The following AFG2A variants were observed in gnomAD, a reference collection of about 807,000 sequenced individuals.
AFG2A encodes the protein AAA ATPase AFG2A.
chr4:123,059,195 C>T, the AFG2A span, among the ~76,000 whole-genome samples: 1 of 137,360 alleles, frequency 7.3e-6, no homozygotes, highest in East Asian at 2.1e-4. Flanking sequence ...GGTACATGTG[C>T]ACAATGTGCA....
the AFG2A span, among the ~76,000 whole-genome samples, chr4:123,281,457 G>A: frequency 2.0e-5 from 3 of 152,108 alleles, no homozygotes; most frequent in Non-Finnish European, 2.9e-5. Context: ...AGACCTACAG[G>A]CTGCCAGTGA....
chr4:123,241,658 A>G, the AFG2A span, among the ~76,000 whole-genome samples: 4 of 152,326 alleles, frequency 2.6e-5, no homozygotes, highest in East Asian at 3.9e-4. Flanking sequence ...ATTTATGACA[A>G]ACCCACAGCC....
chr4:123,216,393 C>T, the AFG2A span, among the ~76,000 whole-genome samples: 1 of 152,086 alleles, frequency 6.6e-6, no homozygotes, highest in African/African-American at 2.4e-5. Context: ...GATAATAAGA[C>T]AAATAATCCA....
chr4:123,074,383 T>C, the AFG2A span, among the ~76,000 whole-genome samples: 1 of 151,894 alleles, frequency 6.6e-6, no homozygotes, highest in Non-Finnish European at 1.5e-5. Context: ...TATACTTTTT[T>C]TTTAGGCCTT....
At chr4:123,264,386 G>C in the AFG2A span, among the ~76,000 whole-genome samples, 2 of 152,032 alleles carry the variant, frequency 1.3e-5, no homozygotes, top group Admixed American at 6.6e-5. Flanking sequence ...AATAATAAAA[G>C]GTCTTTTGTG....
At chr4:122,979,950 A>T in the AFG2A span, among the ~76,000 whole-genome samples, 2 of 152,176 alleles carry the variant, frequency 1.3e-5, no homozygotes, top group Admixed American at 6.5e-5. Context: ...TAAAACCAGG[A>T]TACCCCTATT....
the AFG2A span, among the ~76,000 whole-genome samples, chr4:122,973,211 C>T: frequency 1.3e-5 from 2 of 152,036 alleles, no homozygotes; most frequent in African/African-American, 2.4e-5. Context: ...GCACTGTTAT[C>T]CTTCCATGTA....
chr4:123,122,099 C>T, the AFG2A span, among the ~76,000 whole-genome samples: 1 of 152,090 alleles, frequency 6.6e-6, no homozygotes, highest in Non-Finnish European at 1.5e-5. Flanking sequence ...CACATATCAC[C>T]CTGTAGTTTC....
the AFG2A span, among the ~76,000 whole-genome samples, chr4:123,218,093 T>C: frequency 6.6e-6 from 1 of 152,192 alleles, no homozygotes; most frequent in Non-Finnish European, 1.5e-5. Context: ...AGGAGCAGGA[T>C]GGTGTATTAG....
the AFG2A span, among the ~76,000 whole-genome samples, chr4:122,939,743 T>C: frequency 2.6e-5 from 4 of 152,114 alleles, no homozygotes; most frequent in Non-Finnish European, 4.4e-5. Flanking sequence ...AACTCGTCGT[T>C]TAGCATTAGT....
At chr4:123,131,244 A>G in the AFG2A span, among the ~76,000 whole-genome samples, 1 of 152,190 alleles carries the variant, frequency 6.6e-6, no homozygotes, top group Non-Finnish European at 1.5e-5. Flanking sequence ...TTGAAGAAGT[A>G]CAATTTCCTT....
chr4:123,000,470 A>G, the AFG2A span, among the ~76,000 whole-genome samples: 2 of 151,534 alleles, frequency 1.3e-5, no homozygotes, highest in East Asian at 3.9e-4. Context: ...TTATTTTGAG[A>G]TACGTCCCAT....
At chr4:122,994,784 G>C in the AFG2A span, among the ~76,000 whole-genome samples, 2 of 152,100 alleles carry the variant, frequency 1.3e-5, no homozygotes, top group Admixed American at 6.6e-5. Flanking sequence ...CTCCGATCCA[G>C]GTTAAACTTA....
At chr4:122,959,353 A>G in the AFG2A span, among the ~76,000 whole-genome samples, 1 of 152,230 alleles carries the variant, frequency 6.6e-6, no homozygotes, top group South Asian at 2.1e-4. Flanking sequence ...TCAGTTATGT[A>G]TAATGGTTCC....
the AFG2A span, among the ~76,000 whole-genome samples, chr4:123,119,743 T>G: frequency 2.0e-5 from 3 of 152,134 alleles, no homozygotes; most frequent in African/African-American, 7.2e-5. Flanking sequence ...GACCAGTAAT[T>G]TTTATGTCTT....
chr4:123,025,058 AC>A, the AFG2A span, among the ~76,000 whole-genome samples: 3 of 152,320 alleles, frequency 2.0e-5, no homozygotes, highest in African/African-American at 7.2e-5. Context: ...AGCACTGACA[AC>A]CAGAGACAAC....
chr4:123,170,746 G>A, the AFG2A span, among the ~76,000 whole-genome samples: 2 of 151,946 alleles, frequency 1.3e-5, no homozygotes, highest in Non-Finnish European at 2.9e-5. Flanking sequence ...TAGAGAATGT[G>A]GACTTATATA....
the AFG2A span, among the ~76,000 whole-genome samples, chr4:122,952,599 C>T: frequency 6.6e-6 from 1 of 152,214 alleles, no homozygotes; most frequent in Non-Finnish European, 1.5e-5. Flanking sequence ...GTGTTTATAG[C>T]TCATCCTGTT....
the AFG2A span, among the ~76,000 whole-genome samples, chr4:123,272,476 G>C: frequency 1.3e-5 from 2 of 152,120 alleles, no homozygotes; most frequent in Non-Finnish European, 2.9e-5. Flanking sequence ...GGATTGCTTT[G>C]CTTACAGTCA....
Sources: allele counts gnomAD v4.1 joint callset (sites outside exome capture counted in the v4.1 genomes callset), GRCh38; gene constraint gnomAD v4.1.1; transcripts MANE v1.5; gene names NCBI Gene and HGNC (gene_info 2026-07-23, HGNC 2026-07-21).